Variants in NTN4 observed in about 807,000 individuals in gnomAD.
The protein encoded by NTN4 is netrin 4, also known as netrin-4.
NTN4 carries 32 observed loss-of-function variants against 73.6 expected under a neutral mutation model. The ratio of observed to expected loss-of-function variants is 0.44; its 90% CI spans 0.33 to 0.58. The LOEUF is 0.58. NTN4 is among the 20% of genes least tolerant of loss of function. NTN4 has a pLI of 0.04. For synonymous variants in NTN4, 258 were observed against 287.5 expected (o/e 0.90, Z 1.04); for missense variants, 654 against 798.3 (o/e 0.82, Z 2.18).
rs76439385 is a variant in NTN4 at position 95,785,797 on chromosome 12, C to T, written c.585+1142G>A. On this transcript the variant is annotated intron_variant, in intron 2 of 9. Coordinates refer to ENST00000343702, the MANE Select transcript of NTN4 (RefSeq NM_021229.4). ...TTATATAAAGGATGCTAGAAGAGTG[C>T]TTACCCTAGTTTCTGTAGCCATGGT... is the stretch of plus-strand genomic sequence containing the variant. Among the ~76,000 whole-genome samples the T allele has an allele frequency of 7.5e-3, 1,149 of 152,286 alleles. 15 individuals carry two copies. Among genetic ancestry groups the T allele is most frequent in the African/African-American group, 0.026 (1,095 of 41,552 alleles).
chr12:95,775,614 G>C (rs2079086534), intron 2 of NTN4, among the ~76,000 whole-genome samples: 1 of 152,246 alleles, frequency 6.6e-6, no homozygotes, highest in East Asian at 1.9e-4. Flanking sequence ...CGAACTGCAA[G>C]GCGGCAGCCA....
At chr12:95,712,445 T>C (rs2078571185) in intron 4 of NTN4, among the ~76,000 whole-genome samples, 1 of 152,236 alleles carries the variant, frequency 6.6e-6, no homozygotes, top group Non-Finnish European at 1.5e-5. Flanking sequence ...TTAATCTTAC[T>C]GAGCCTCAGT....
chr12:95,670,052 G>A (rs2078215594), intron 8 of NTN4, 26 bp downstream of exon 8: 1 of 1,456,142 alleles, frequency 6.9e-7, no homozygotes. Context: ...TAGGTTCTCA[G>A]AAGCATTCAA....
At position 95,663,966 on chromosome 12, in the gene NTN4, T is replaced by C. The variant is rs566937867; in HGVS notation, c.1750+1844A>G. The stretch of plus-strand genomic sequence containing the variant: ...CCTCTAAGCACAAATCACTGGGAAA[T>C]AGAACTTACATGAATTATTTTTAGT... On this transcript the variant is annotated intron_variant, in intron 9 of 9. Coordinates refer to ENST00000343702, the MANE Select transcript of NTN4 (RefSeq NM_021229.4). 5.5e-4 allele frequency among the ~76,000 whole-genome samples: 83 copies of C among 152,266 alleles called. 2 individuals are homozygous for C. Among genetic ancestry groups the C allele is most frequent in the African/African-American group, 1.9e-3 (78 of 41,560 alleles).
intron 5 of NTN4, 67 bp from the exon 6 acceptor site, chr12:95,683,778 GACC>G: frequency 7.7e-7 from 1 of 1,305,058 alleles, no homozygotes; most frequent in Non-Finnish European, 1.1e-6. Context: ...CATTAGGCTT[GACC>G]ATCCCCAAGT....
Position 95,758,112 on chromosome 12 carries a change from C to G in NTN4, c.586-19968G>C, listed in dbSNP as rs187263975. On this transcript the variant is annotated intron_variant, in intron 2 of 9. Transcript: ENST00000343702. Reference sequence around the variant, plus strand: ...TCGTGGGTACTTAGGAGAGGAATTGCTAGGTGGTATGGTAAGTGGATATTT... The same window carrying G: ...TCGTGGGTACTTAGGAGAGGAATTGGTAGGTGGTATGGTAAGTGGATATTT... Among the ~76,000 whole-genome samples, 3 of 152,212 alleles carry G rather than the reference C, an allele frequency of 2.0e-5. No individual in the cohort carries two copies. The East Asian group carries it at 5.8e-4, about 29-fold the overall frequency.
intron 2 of NTN4, among the ~76,000 whole-genome samples, chr12:95,778,678 C>A (rs1424466642): frequency 6.6e-6 from 1 of 152,052 alleles, no homozygotes; most frequent in Non-Finnish European, 1.5e-5. Flanking sequence ...AATAGCTTAC[C>A]AACCAAAAAA....
chr12:95,666,969 C>T (rs974956567), intron 8 of NTN4, among the ~76,000 whole-genome samples: 3 of 152,098 alleles, frequency 2.0e-5, no homozygotes, highest in African/African-American at 4.8e-5. Flanking sequence ...TTGTGATATC[C>T]GCCACCACAG....
intron 2 of NTN4, among the ~76,000 whole-genome samples, chr12:95,764,398 C>T (rs1211452844): frequency 6.6e-6 from 1 of 152,212 alleles, no homozygotes; most frequent in Non-Finnish European, 1.5e-5. Flanking sequence ...GGCACAGTGG[C>T]TCACGCCTGT....
intron 3 of NTN4, among the ~76,000 whole-genome samples, chr12:95,722,684 A>G (rs1020496026): frequency 4.6e-5 from 7 of 151,308 alleles, no homozygotes; most frequent in Non-Finnish European, 1.0e-4. Flanking sequence ...AAATATTTCC[A>G]TTATTTTAGG....
chr12:95,703,220 A>G (rs2078499426), intron 5 of NTN4, among the ~76,000 whole-genome samples: 1 of 152,188 alleles, frequency 6.6e-6, no homozygotes, highest in African/African-American at 2.4e-5. Flanking sequence ...AAGGGCTGTC[A>G]TATGTTCATT....
At chr12:95,662,944 C>T (rs182327763) in intron 9 of NTN4, among the ~76,000 whole-genome samples, 1 of 151,978 alleles carries the variant, frequency 6.6e-6, no homozygotes. Context: ...TAGCAAGACC[C>T]TGTCTACAAA....
At chr12:95,786,374 G>A (rs2079167512) in intron 2 of NTN4, among the ~76,000 whole-genome samples, 1 of 152,182 alleles carries the variant, frequency 6.6e-6, no homozygotes, top group African/African-American at 2.4e-5. Context: ...TAATGAGGCT[G>A]TTTTGCAGAA....
chr12:95,753,740 C>T (rs142859622), intron 2 of NTN4, among the ~76,000 whole-genome samples: 32,343 of 151,460 alleles, frequency 0.21, 4,059 homozygotes, highest in Non-Finnish European at 0.29. Context: ...CTGGACAATA[C>T]TTTTACCACT....
At chr12:95,768,282 C>A (rs776427944) in intron 2 of NTN4, among the ~76,000 whole-genome samples, 1 of 151,808 alleles carries the variant, frequency 6.6e-6, no homozygotes, top group Non-Finnish European at 1.5e-5. Context: ...CTGCACCTAA[C>A]CCAGAATATT....
chr12:95,777,775 A>G (rs1346948893), intron 2 of NTN4, among the ~76,000 whole-genome samples: 1 of 152,190 alleles, frequency 6.6e-6, no homozygotes, highest in Non-Finnish European at 1.5e-5. Context: ...AAAATTAACA[A>G]GGATATCCAG....
At chr12:95,766,490 C>G (rs985865389) in intron 2 of NTN4, among the ~76,000 whole-genome samples, 1 of 152,180 alleles carries the variant, frequency 6.6e-6, no homozygotes, top group East Asian at 1.9e-4. Context: ...TTGGATACAA[C>G]AAGTTTTTTA....
At chr12:95,682,421 CTCTT>C (rs1181933850) in intron 7 of NTN4, among the ~76,000 whole-genome samples, 1 of 104,574 alleles carries the variant, frequency 9.6e-6, no homozygotes, top group African/African-American at 3.6e-5. Context: ...TTTGGGTGAC[CTCTT>C]TTTTTTTTTT....
chr12:95,684,591 G>A (rs2078347273), intron 5 of NTN4, among the ~76,000 whole-genome samples: 1 of 151,892 alleles, frequency 6.6e-6, no homozygotes, highest in African/African-American at 2.4e-5. Context: ...ACAGGCGTGA[G>A]ACACTGCGCC....
Sources: gnomAD v4.1 joint callset for allele counts (sites outside exome capture counted in the v4.1 genomes callset) on GRCh38, gnomAD v4.1.1 for gene constraint, MANE v1.5 for transcripts, NCBI Gene and HGNC (gene_info 2026-07-23, HGNC 2026-07-21) for gene names.